The following TENM3 variants were observed in gnomAD, a reference collection of about 807,000 sequenced individuals.
TENM3 encodes the protein teneurin-3.
A neutral mutation model predicts 255.1 loss-of-function variants in TENM3; 63 were observed. The ratio of observed to expected loss-of-function variants is 0.25; its 90% CI spans 0.20 to 0.30. TENM3 has a LOEUF of 0.30. TENM3 is among the 10% of genes least tolerant of loss of function. The pLI is 1.00. For synonymous variants in TENM3, 1,306 were observed against 1,322.3 expected, an observed-to-expected ratio of 0.99 and a Z score of 0.27; for missense variants, 2,929 against 3,461.1, an observed-to-expected ratio of 0.85 and a Z score of 3.86.
chr4:182,002,778 G>A, the TENM3 span, among the ~76,000 whole-genome samples: 7 of 151,940 alleles, frequency 4.6e-5, no homozygotes, highest in South Asian at 1.5e-3. Flanking sequence ...ATACCTGTAG[G>A]CTATAGACCA....
At chr4:181,652,443 T>C in the TENM3 span, among the ~76,000 whole-genome samples, 3 of 152,234 alleles carry the variant, frequency 2.0e-5, no homozygotes, top group Admixed American at 1.3e-4. Flanking sequence ...ATAATGCCAC[T>C]GATGCCATGT....
intron 1 of TENM3, among the ~76,000 whole-genome samples, chr4:182,185,348 T>C (rs1003988211): frequency 2.6e-5 from 4 of 152,220 alleles, no homozygotes; most frequent in Non-Finnish European, 5.9e-5. Context: ...CAAGCACTTA[T>C]CACTGTTTGA....
chr4:182,039,246 T>C, the TENM3 span, among the ~76,000 whole-genome samples: 1 of 152,178 alleles, frequency 6.6e-6, no homozygotes, highest in East Asian at 1.9e-4. Context: ...AAATTTTTTC[T>C]TTCAGTAGGG....
the TENM3 span, chr4:182,085,148 G>A: frequency 6.6e-6 from 1 of 152,144 alleles, no homozygotes. Context: ...TTTCCAGATG[G>A]TCTCTTTTTT....
the TENM3 span, among the ~76,000 whole-genome samples, chr4:181,454,074 A>G: frequency 6.6e-6 from 1 of 152,210 alleles, no homozygotes; most frequent in African/African-American, 2.4e-5. Flanking sequence ...GGCTGACATT[A>G]CCTGTTGCAT....
chr4:182,680,444 G>GC (rs372583256), intron 9 of TENM3, 95 bp downstream of exon 9: 60 of 1,413,724 alleles, frequency 4.2e-5, no homozygotes, highest in East Asian at 3.9e-4. Context: ...GAAAGGGGGG[G>GC]GGAGACTGGC....
At chr4:182,597,730 C>A (rs985424954) in intron 3 of TENM3, among the ~76,000 whole-genome samples, 1 of 152,136 alleles carries the variant, frequency 6.6e-6, no homozygotes, top group African/African-American at 2.4e-5. Context: ...TATCTTGTTA[C>A]ACTTTATATA....
intron 3 of TENM3, among the ~76,000 whole-genome samples, chr4:182,473,809 AT>A (rs1733400588): frequency 1.3e-5 from 2 of 151,738 alleles, no homozygotes; most frequent in Admixed American, 1.3e-4. Flanking sequence ...AAATAAGAAT[AT>A]TAGCAAGGTA....
chr4:182,491,419 A>G (rs944802396), intron 3 of TENM3, among the ~76,000 whole-genome samples: 3 of 142,270 alleles, frequency 2.1e-5, no homozygotes, highest in African/African-American at 7.8e-5. Context: ...TTTGTAGAAA[A>G]GTTATTACAA....
the TENM3 span, among the ~76,000 whole-genome samples, chr4:182,026,771 G>A: frequency 6.6e-6 from 1 of 152,154 alleles, no homozygotes; most frequent in East Asian, 1.9e-4. Flanking sequence ...GTTTACTGGA[G>A]GTGTGTGGAT....
At chr4:182,522,416 G>T (rs868399451) in intron 3 of TENM3, among the ~76,000 whole-genome samples, 28 of 152,004 alleles carry the variant, frequency 1.8e-4, no homozygotes, top group African/African-American at 6.8e-4. Context: ...TCAGTCCCAC[G>T]TATGAATGAG....
chr4:181,599,350 G>A, the TENM3 span, among the ~76,000 whole-genome samples: 2 of 152,148 alleles, frequency 1.3e-5, no homozygotes, highest in African/African-American at 4.8e-5. Context: ...ATTAAAAAAC[G>A]GAACAAAAGC....
chr4:181,960,482 G>C, the TENM3 span, among the ~76,000 whole-genome samples: 1 of 152,176 alleles, frequency 6.6e-6, no homozygotes. Flanking sequence ...CAAATGGATT[G>C]AGACTGGTGA....
chr4:181,769,563 T>C, the TENM3 span, among the ~76,000 whole-genome samples: 16 of 152,330 alleles, frequency 1.1e-4, no homozygotes, highest in African/African-American at 3.6e-4. Context: ...CATTTTCTGA[T>C]TTTAAAATCC....
chr4:182,525,500 C>T (rs1421152385), intron 3 of TENM3, among the ~76,000 whole-genome samples: 2 of 152,226 alleles, frequency 1.3e-5, no homozygotes, highest in African/African-American at 2.4e-5. Context: ...CTTTCCATCA[C>T]ACTATGCTTT....
chr4:182,754,852 C>A lies in TENM3; in HGVS notation c.4485C>A (p.Ile1495=). ...LYIADLGNIR[I]RAVSKNKPLL... is the part of the protein sequence containing the mutation. ...TTGCAGATCTAGGGAATATCCGGATCCGGGCTGTGTCAAAGAATAAGCCTT... is the reference window on the plus strand; with the variant it reads ...TTGCAGATCTAGGGAATATCCGGATACGGGCTGTGTCAAAGAATAAGCCTT... The change falls in exon 22 of 28, where the codon ATC becomes ATA. Residue 1495 remains isoleucine (I), a synonymous_variant. Transcript: ENST00000511685. This position sits in a 1 kb window ranked among gnomAD's most constrained non-coding sequence, Gnocchi z 5.1. 1 of 1,613,986 alleles carries A rather than the reference C, an allele frequency of 6.2e-7. No homozygotes were observed. The highest frequency in any genetic ancestry group is 1.3e-5 in the African/African-American group (1 of 75,048).
chr4:182,783,039 C>T (rs1306664511), intron 24 of TENM3, among the ~76,000 whole-genome samples: 1 of 149,218 alleles, frequency 6.7e-6, no homozygotes, highest in Non-Finnish European at 1.5e-5. Context: ...TTAATTGGAG[C>T]ATTTAGTCCA....
the TENM3 span, among the ~76,000 whole-genome samples, chr4:182,015,403 T>C: frequency 6.6e-6 from 1 of 152,226 alleles, no homozygotes; most frequent in Non-Finnish European, 1.5e-5. Context: ...AAAAATAGCA[T>C]TCTGAACATC....
intron 1 of TENM3, among the ~76,000 whole-genome samples, chr4:182,283,308 C>T (rs1223040227): frequency 2.0e-5 from 3 of 152,080 alleles, no homozygotes; most frequent in East Asian, 1.9e-4. Context: ...GTAATAAAAA[C>T]GGGGGCCTTT....
Sources: allele counts gnomAD v4.1 joint callset (sites outside exome capture counted in the v4.1 genomes callset), GRCh38; gene constraint gnomAD v4.1.1; non-coding constraint Gnocchi (gnomAD v3.1); transcripts MANE v1.5; gene names NCBI Gene and HGNC (gene_info 2026-07-23, HGNC 2026-07-21).